AP3B1: variants seen among roughly 807,000 people sequenced by gnomAD.
AP3B1 encodes AP-3 complex subunit beta-1.
AP3B1 carries 61 observed loss-of-function variants against 132.5 expected under a neutral mutation model. The observed-to-expected ratio is 0.46, with a 90% CI of 0.37 to 0.57. The LOEUF is 0.57. AP3B1 is among the 20% of genes least tolerant of loss of function. AP3B1 has a pLI of 0.00. For missense variants in AP3B1, 1,120 were observed against 1,289.4 expected (o/e 0.87, Z 2.01); for synonymous variants, 388 against 438.3 (o/e 0.89, Z 1.43).
intron 2 of AP3B1, among the ~76,000 whole-genome samples, chr5:78,241,204 AT>A (rs34571884): frequency 9.1e-4 from 133 of 146,042 alleles, no homozygotes; most frequent in Middle Eastern, 3.5e-3. Context: ...GTTATAAGTA[AT>A]TTTTTTTTTT....
intron 21 of AP3B1, among the ~76,000 whole-genome samples, chr5:78,091,141 G>C (rs1750492115): frequency 6.6e-6 from 1 of 151,618 alleles, no homozygotes; most frequent in Non-Finnish European, 1.5e-5. Flanking sequence ...AATATCCAGT[G>C]AACAAGGCAG....
chr5:78,059,344 AAAT>A (rs1178822186), intron 22 of AP3B1, among the ~76,000 whole-genome samples: 1 of 152,224 alleles, frequency 6.6e-6, no homozygotes, highest in Non-Finnish European at 1.5e-5. Flanking sequence ...ACGCCTTGAA[AAAT>A]AATAATAAAT....
At chr5:78,111,687 C>T (rs1376411656) in intron 19 of AP3B1, among the ~76,000 whole-genome samples, 7 of 152,050 alleles carry the variant, frequency 4.6e-5, no homozygotes, top group African/African-American at 1.7e-4. Context: ...ATGACAAATG[C>T]CTTGTGGTGC....
chr5:78,090,119 G>T (rs927413401), intron 21 of AP3B1, among the ~76,000 whole-genome samples: 2 of 152,064 alleles, frequency 1.3e-5, no homozygotes, highest in African/African-American at 4.8e-5. Context: ...GCTCATAACT[G>T]CCTACAAGAT....
chr5:78,152,623 ATTAAG>A (rs1215604337), intron 14 of AP3B1, among the ~76,000 whole-genome samples: 3 of 151,992 alleles, frequency 2.0e-5, no homozygotes, highest in Admixed American at 1.3e-4. Flanking sequence ...AAGATACATC[ATTAAG>A]TTATTTATTA....
chr5:78,019,453 C>T (rs1747000006), intron 25 of AP3B1, among the ~76,000 whole-genome samples: 2 of 152,110 alleles, frequency 1.3e-5, no homozygotes, highest in Non-Finnish European at 2.9e-5. Flanking sequence ...ATTCAGTCAC[C>T]GTGTGCCACT....
intron 14 of AP3B1, among the ~76,000 whole-genome samples, chr5:78,153,659 T>G (rs118049300): frequency 2.0e-5 from 3 of 152,182 alleles, no homozygotes; most frequent in African/African-American, 4.8e-5. Context: ...TTCCTTTTAA[T>G]GCAGGTGGTT....
intron 2 of AP3B1, among the ~76,000 whole-genome samples, chr5:78,264,843 G>T (rs890817209): frequency 6.6e-6 from 1 of 152,192 alleles, no homozygotes; most frequent in Non-Finnish European, 1.5e-5. Context: ...AAGCATCATA[G>T]ATCAATTGTA....
intron 26 of AP3B1, among the ~76,000 whole-genome samples, chr5:78,009,649 T>C (rs1424385828): frequency 1.3e-5 from 2 of 152,216 alleles, no homozygotes; most frequent in East Asian, 1.9e-4. Flanking sequence ...AAGGACCTAG[T>C]GACAACAGTA....
chr5:78,104,510 C>T (rs1425896117), intron 20 of AP3B1, among the ~76,000 whole-genome samples: 1 of 151,998 alleles, frequency 6.6e-6, no homozygotes, highest in Non-Finnish European at 1.5e-5. Flanking sequence ...CAAGGCTTTG[C>T]ATTATAACAG....
intron 11 of AP3B1, among the ~76,000 whole-genome samples, chr5:78,172,733 G>A (rs1426678743): frequency 1.3e-5 from 2 of 151,028 alleles, no homozygotes; most frequent in South Asian, 2.1e-4. Context: ...TGGGTATTTC[G>A]TTTTTGAAGG....
intron 21 of AP3B1, among the ~76,000 whole-genome samples, chr5:78,098,431 A>G (rs1178521910): frequency 6.6e-6 from 1 of 152,242 alleles, no homozygotes; most frequent in Non-Finnish European, 1.5e-5. Context: ...AGAGTTGAAT[A>G]TAAGAAGAAA....
At chr5:78,292,197 T>C (rs978852936) in intron 1 of AP3B1, among the ~76,000 whole-genome samples, 3 of 152,190 alleles carry the variant, frequency 2.0e-5, no homozygotes, top group Non-Finnish European at 4.4e-5. Flanking sequence ...AACTTTGTCA[T>C]TCGATTTTTT....
intron 7 of AP3B1, among the ~76,000 whole-genome samples, chr5:78,210,143 G>GT (rs1745673981): frequency 1.3e-5 from 2 of 151,888 alleles, no homozygotes; most frequent in African/African-American, 2.4e-5. Flanking sequence ...TCAGTATTTT[G>GT]TTTTTTTAAT....
At chr5:78,294,420 C>A in intron 1 of AP3B1, 32 bp downstream of exon 1, 1 of 1,613,762 alleles carries the variant, frequency 6.2e-7, no homozygotes, top group African/African-American at 1.3e-5. Context: ...GCTCCTCCCT[C>A]CCATCCCCGC....
intron 26 of AP3B1, 54 bp from the exon 27 acceptor site, chr5:78,003,109 A>C: frequency 6.4e-7 from 1 of 1,569,636 alleles, no homozygotes; most frequent in Non-Finnish European, 8.7e-7. Flanking sequence ...GGTAAAGGAG[A>C]TAGCATACAT....
At chr5:78,123,122 G>A (rs1464390945) in intron 17 of AP3B1, among the ~76,000 whole-genome samples, 2 of 152,226 alleles carry the variant, frequency 1.3e-5, no homozygotes, top group African/African-American at 2.4e-5. Context: ...AATAAATGGT[G>A]CTGGGAAAAC....
chr5:78,160,604 A>C (rs576879434), intron 13 of AP3B1, among the ~76,000 whole-genome samples: 2 of 152,110 alleles, frequency 1.3e-5, no homozygotes, highest in Admixed American at 6.5e-5. Context: ...TCATTATTTG[A>C]ACAGATGATG....
chr5:78,069,242 T>C (rs1214581432), intron 22 of AP3B1, among the ~76,000 whole-genome samples: 3 of 152,178 alleles, frequency 2.0e-5, no homozygotes, highest in African/African-American at 7.2e-5. Context: ...CAACATAGTA[T>C]TGGAAGTTCT....
Sources: allele counts gnomAD v4.1 joint callset (sites outside exome capture counted in the v4.1 genomes callset), GRCh38; gene constraint gnomAD v4.1.1; transcripts MANE v1.5; gene names NCBI Gene and HGNC (gene_info 2026-07-23, HGNC 2026-07-21).